The following UNC5D variants were observed in gnomAD, a reference collection of about 807,000 sequenced individuals.
UNC5D encodes the protein netrin receptor UNC5D.
Under a neutral mutation model 105.4 loss-of-function variants are expected in UNC5D, and 39 were observed. The ratio of observed to expected loss-of-function variants is 0.37; its 90% CI spans 0.29 to 0.48. The LOEUF is 0.48. UNC5D is among the 20% of genes least tolerant of loss of function. The pLI is 0.98. For missense variants in UNC5D, 991 were observed against 1,202.4 expected (o/e 0.82, Z 2.60); for synonymous variants, 452 against 450.4 (o/e 1.00, Z -0.04).
At chr8:35,566,381 G>T (rs1030258572) in intron 2 of UNC5D, among the ~76,000 whole-genome samples, 1 of 151,936 alleles carries the variant, frequency 6.6e-6, no homozygotes, top group Non-Finnish European at 1.5e-5. Context: ...CTCCTCCATC[G>T]AGAGTTCTGG....
At chr8:35,532,503 G>T (rs1383522119) in intron 1 of UNC5D, among the ~76,000 whole-genome samples, 1 of 72,712 alleles carries the variant, frequency 1.4e-5, no homozygotes, top group Admixed American at 1.4e-4. Flanking sequence ...TTCAACTTTG[G>T]TGAATCTGAC....
chr8:35,242,659 C>T (rs1385902474), intron 1 of UNC5D, among the ~76,000 whole-genome samples: 2 of 151,920 alleles, frequency 1.3e-5, no homozygotes, highest in Non-Finnish European at 2.9e-5. Flanking sequence ...TGTATTTTTA[C>T]AGACAGGGTT....
At chr8:35,360,790 G>T (rs1350795838) in intron 1 of UNC5D, among the ~76,000 whole-genome samples, 1 of 152,108 alleles carries the variant, frequency 6.6e-6, no homozygotes, top group Non-Finnish European at 1.5e-5. Flanking sequence ...TCCAAGAACT[G>T]ATGTGAAATT....
chr8:35,705,092 G>A (rs559774371), intron 7 of UNC5D, among the ~76,000 whole-genome samples: 5 of 151,338 alleles, frequency 3.3e-5, no homozygotes, highest in East Asian at 2.0e-4. Context: ...AGCCTCCCGC[G>A]TAGCTGGGAC....
At chr8:35,417,961 C>T (rs552825350) in intron 1 of UNC5D, among the ~76,000 whole-genome samples, 1 of 152,108 alleles carries the variant, frequency 6.6e-6, no homozygotes, top group Non-Finnish European at 1.5e-5. Flanking sequence ...CAGATTTTAA[C>T]TATGCTAATT....
At chr8:35,273,308 T>C (rs1805550231) in intron 1 of UNC5D, among the ~76,000 whole-genome samples, 2 of 152,248 alleles carry the variant, frequency 1.3e-5, no homozygotes. Flanking sequence ...GCATGTATCT[T>C]ATCGTTCTGT....
At chr8:35,722,498 C>T (rs1828636781) in intron 9 of UNC5D, 103 bp downstream of exon 9, 1 of 1,405,576 alleles carries the variant, frequency 7.1e-7, no homozygotes, top group Non-Finnish European at 9.4e-7. Context: ...TAGCTCTTGG[C>T]ACTGGGAGCC....
intron 4 of UNC5D, among the ~76,000 whole-genome samples, chr8:35,639,922 C>T (rs370528207): frequency 2.2e-4 from 33 of 151,618 alleles, no homozygotes; most frequent in Non-Finnish European, 4.4e-4. Context: ...GATGAGGTCT[C>T]ATTTATTGCC....
At chr8:35,452,032 C>G (rs1645770558) in intron 1 of UNC5D, among the ~76,000 whole-genome samples, 1 of 152,166 alleles carries the variant, frequency 6.6e-6, no homozygotes, top group Non-Finnish European at 1.5e-5. Context: ...TGTGTTACTT[C>G]TTCCTATAGG....
At chr8:35,575,427 G>A (rs1478479412) in intron 3 of UNC5D, among the ~76,000 whole-genome samples, 1 of 152,122 alleles carries the variant, frequency 6.6e-6, no homozygotes, top group Non-Finnish European at 1.5e-5. Context: ...TACATTGACA[G>A]ATAAGGGCCA....
chr8:35,340,344 T>C (rs143629076), intron 1 of UNC5D, among the ~76,000 whole-genome samples: 2 of 152,282 alleles, frequency 1.3e-5, no homozygotes, highest in African/African-American at 4.8e-5. Context: ...AGGAACACTG[T>C]AAGCTGTTGA....
At chr8:35,584,000 A>C (rs542328275) in intron 3 of UNC5D, among the ~76,000 whole-genome samples, 1 of 152,264 alleles carries the variant, frequency 6.6e-6, no homozygotes, top group South Asian at 2.1e-4. Context: ...CTGGTGCCAC[A>C]TGTGCCCACT....
intron 3 of UNC5D, among the ~76,000 whole-genome samples, chr8:35,580,180 A>G (rs571251208): frequency 3.3e-5 from 5 of 152,252 alleles, no homozygotes; most frequent in African/African-American, 1.2e-4. Context: ...TTAGTTTTTG[A>G]TCATGTCATG....
chr8:35,495,035 G>GT (rs1811456157), intron 1 of UNC5D, among the ~76,000 whole-genome samples: 1 of 152,024 alleles, frequency 6.6e-6, no homozygotes, highest in Non-Finnish European at 1.5e-5. Flanking sequence ...TTCCCTCCCA[G>GT]GGGACCGATC....
intron 1 of UNC5D, among the ~76,000 whole-genome samples, chr8:35,398,389 T>C (rs1804232985): frequency 6.6e-6 from 1 of 152,202 alleles, no homozygotes. Context: ...GATTATTTGT[T>C]TAACATCTTT....
chr8:35,782,139 A>G (rs1352238798), intron 16 of UNC5D, among the ~76,000 whole-genome samples: 3 of 152,156 alleles, frequency 2.0e-5, no homozygotes, highest in Non-Finnish European at 4.4e-5. Context: ...GGCTTACTTT[A>G]TCCTGTAGGC....
At chr8:35,349,930 G>T (rs1812082197) in intron 1 of UNC5D, among the ~76,000 whole-genome samples, 2 of 152,020 alleles carry the variant, frequency 1.3e-5, no homozygotes, top group Non-Finnish European at 2.9e-5. Flanking sequence ...TGGTGCCACA[G>T]TTTCCATTGT....
At chr8:35,491,586 A>G (rs1245328859) in intron 1 of UNC5D, among the ~76,000 whole-genome samples, 1 of 151,902 alleles carries the variant, frequency 6.6e-6, no homozygotes, top group African/African-American at 2.4e-5. Flanking sequence ...CATACTCAAA[A>G]ATATACTCCA....
intron 1 of UNC5D, among the ~76,000 whole-genome samples, chr8:35,479,500 G>T (rs887585799): frequency 6.6e-6 from 1 of 152,042 alleles, no homozygotes; most frequent in African/African-American, 2.4e-5. Context: ...TGTATTCATC[G>T]CAGCACTGTT....
Sources: gnomAD v4.1 joint callset for allele counts (sites outside exome capture counted in the v4.1 genomes callset) on GRCh38, gnomAD v4.1.1 for gene constraint, MANE v1.5 for transcripts, NCBI Gene and HGNC (gene_info 2026-07-23, HGNC 2026-07-21) for gene names.